The following MED15 variants were observed in gnomAD, a reference collection of about 807,000 sequenced individuals.
MED15 encodes mediator complex subunit 15.
A neutral mutation model predicts 118.7 loss-of-function variants in MED15; 41 were observed. The observed-to-expected ratio is 0.35, with a 90% CI of 0.27 to 0.45. MED15 has a LOEUF of 0.45. Ranked by LOEUF, MED15 falls within the 20% of genes least tolerant of loss-of-function variation. The pLI is 1.00. For missense variants in MED15, 740 were observed against 1,025.5 expected, an observed-to-expected ratio of 0.72 and a Z score of 3.80; for synonymous variants, 436 against 413.9, an observed-to-expected ratio of 1.05 and a Z score of -0.65.
chr22:20,511,396 G>A (rs1347667448), intron 1 of MED15, among the ~76,000 whole-genome samples: 7 of 151,876 alleles, frequency 4.6e-5, no homozygotes, highest in Non-Finnish European at 8.8e-5. Flanking sequence ...GGAGGCTGAG[G>A]TGGGGGGATC....
At chr22:20,516,368 T>C (rs1356180437) in intron 1 of MED15, among the ~76,000 whole-genome samples, 2 of 152,054 alleles carry the variant, frequency 1.3e-5, no homozygotes, top group African/African-American at 2.4e-5. Flanking sequence ...GAATGGTTGC[T>C]GAACCACAGC....
chr22:20,568,532 G>A lies in MED15; in HGVS notation c.1053G>A (p.Pro351=), dbSNP rs779974079. The A allele has an allele frequency of 3.8e-5, 62 of 1,613,606 alleles. No individual in the cohort carries two copies. In the South Asian group the frequency reaches 5.4e-4, roughly 14 times the overall value. ...CTTTCTCCCTCAAGGTCCGAGCTCC[G>A]ATGGTGGTGCAGCAGCCCCCAGTGC... ...TQPPLKFVRA[P]MVVQQPPVQP... Residue 351 remains proline, a synonymous_variant, in exon 8 of 18, where the codon CCG becomes CCA. Transcript: ENST00000263205.
chr22:20,582,867 C>T lies in MED15; in HGVS notation c.1437C>T (p.Ser479=), dbSNP rs764748986. 1 of 1,613,154 alleles carries T rather than the reference C, an allele frequency of 6.2e-7. No individual in the cohort carries two copies. Among genetic ancestry groups the T allele is most frequent in the Non-Finnish European group, 8.5e-7 (1 of 1,180,016 alleles). ...CTGGCCCTGCCCCATCTCCCAGTAGCTTCCTGCCCAGCCCCTCACCGCAGC... is the reference window on the plus strand; with the variant it reads ...CTGGCCCTGCCCCATCTCCCAGTAGTTTCCTGCCCAGCCCCTCACCGCAGC... The part of the protein sequence containing the change: ...VSSGPAPSPS[S]FLPSPSPQPS... Residue 479 remains serine, a synonymous_variant, in exon 11 of 18, where the codon AGC becomes AGT. Coordinates refer to ENST00000263205, the MANE Select transcript of MED15 (RefSeq NM_001003891.3).
chr22:20,530,132 T>C (rs1341366050), intron 1 of MED15, among the ~76,000 whole-genome samples: 1 of 152,150 alleles, frequency 6.6e-6, no homozygotes, highest in Non-Finnish European at 1.5e-5. Flanking sequence ...CCTTCTGTTG[T>C]CTTGTGGTCC....
intron 1 of MED15, among the ~76,000 whole-genome samples, chr22:20,518,116 G>C (rs149577001): frequency 3.9e-5 from 6 of 152,238 alleles, no homozygotes; most frequent in Admixed American, 1.3e-4. Flanking sequence ...ATCGACAAGC[G>C]CTTGTTACCA....
intron 10 of MED15, 46 bp from the exon 11 acceptor site, chr22:20,582,794 G>A (rs368733357): frequency 4.2e-5 from 67 of 1,600,458 alleles, no homozygotes; most frequent in Non-Finnish European, 5.3e-5. Context: ...CTCGAGGCTG[G>A]CCCTGCCTGG....
At chr22:20,583,691 C>T (rs767651734) in intron 13 of MED15, 2 of 414,162 alleles carry the variant, frequency 4.8e-6, no homozygotes, top group Non-Finnish European at 9.0e-6. Context: ...GCCTGACCAT[C>T]AGCTGGCCCA....
At position 20,564,488 on chromosome 22, in the gene MED15, C is replaced by G; in HGVS notation, c.490C>G (p.Gln164Glu). 1 of 1,611,306 alleles carries G rather than the reference C, an allele frequency of 6.2e-7. No homozygotes were observed. The highest frequency in any genetic ancestry group is 1.3e-5 in the African/African-American group (1 of 74,982). Residue 164 changes from glutamine to glutamate, a missense_variant, in exon 6 of 18, where the codon CAG becomes GAG. Around this residue, in one of 7 missense-constraint regions of MED15, gnomAD observed 117 missense variants for 124.6 expected, o/e 0.94. Transcript: ENST00000263205. Reference protein sequence around the residue: ...QLQQVALQQQQQQQQFQQQQQ... With the variant: ...QLQQVALQQQEQQQQFQQQQQ... ...CCAGCAGGTGGCGCTGCAGCAGCAG[C>G]AGCAACAGCAGCAGTTCCAGCAGCA... is the stretch of plus-strand genomic sequence containing the variant.
At chr22:20,518,389 A>T (rs532756772) in intron 1 of MED15, among the ~76,000 whole-genome samples, 1 of 152,058 alleles carries the variant, frequency 6.6e-6, no homozygotes, top group South Asian at 2.1e-4. Context: ...TCATGTTGGC[A>T]CGAGAGCTTT....
chr22:20,535,199 C>T (rs897059677), intron 1 of MED15, among the ~76,000 whole-genome samples: 11 of 152,198 alleles, frequency 7.2e-5, no homozygotes, highest in African/African-American at 2.7e-4. Context: ...CTCAGGTGAT[C>T]CACCTGCCTC....
At chr22:20,577,017 T>C (rs558592900) in intron 9 of MED15, among the ~76,000 whole-genome samples, 6 of 152,336 alleles carry the variant, frequency 3.9e-5, no homozygotes, top group African/African-American at 1.4e-4. Flanking sequence ...GTGTGCGATA[T>C]GTGCCAGGCC....
At position 20,566,767 on chromosome 22, in the gene MED15, G is replaced by A; in HGVS notation, c.991G>A (p.Ala331Thr). The A allele has an allele frequency of 6.2e-7, 1 of 1,614,202 alleles. No homozygotes were observed. The highest frequency in any genetic ancestry group is 1.7e-5 in the Admixed American group (1 of 60,022). ...QSQTQPLVSQ[A>T]QALPGQMLYT... The stretch of plus-strand genomic sequence containing the variant: ...GCAGACCCAGCCTTTGGTGTCACAG[G>A]CGCAAGCTCTCCCTGGACAAATGTT... Residue 331 changes from alanine to threonine, a missense_variant, in exon 7 of 18, where the codon GCG (alanine) becomes ACG (threonine). Around this residue, in one of 7 missense-constraint regions of MED15, gnomAD observed 384 missense variants for 506.3 expected, o/e 0.76. Transcript: ENST00000263205.
chr22:20,549,525 G>A (rs1250089086), intron 2 of MED15, among the ~76,000 whole-genome samples: 2 of 152,072 alleles, frequency 1.3e-5, no homozygotes, highest in Non-Finnish European at 2.9e-5. Flanking sequence ...GATCAGAGGC[G>A]CAGTTTCAGA....
In MED15 at chr22:20,586,848, A is replaced by G. The variant is rs2057150330; in HGVS notation, c.*144A>G. On this transcript the variant is annotated 3_prime_UTR_variant, in exon 18 of 18. Transcript: ENST00000263205. ...TATCTTCTGCCTTGGGGACCTGCCA[A>G]ACGAAATCCCACACCTGTACAGAAC... 1.4e-5 allele frequency: 18 copies of G among 1,267,510 alleles called. No homozygotes were observed. Among genetic ancestry groups the G allele is most frequent in the Non-Finnish European group, 1.9e-5 (18 of 934,144 alleles). 78.5% of individuals were successfully genotyped at this position (1,267,510 alleles called of 1,614,324 possible).
chr22:20,558,116 GAA>G (rs139965797), intron 5 of MED15, among the ~76,000 whole-genome samples: 3,524 of 152,048 alleles, frequency 0.023, 132 homozygotes, highest in African/African-American at 0.08. Context: ...AAAGAAAAAA[GAA>G]AAAGTTACAG....
At chr22:20,517,127 C>T (rs1032577252) in intron 1 of MED15, among the ~76,000 whole-genome samples, 1 of 151,194 alleles carries the variant, frequency 6.6e-6, no homozygotes, top group Non-Finnish European at 1.5e-5. Context: ...TGGTAGAGAC[C>T]AGGTCTTGGT....
chr22:20,543,503 T>C (rs1398300303), intron 2 of MED15, among the ~76,000 whole-genome samples: 1 of 150,820 alleles, frequency 6.6e-6, no homozygotes, highest in Non-Finnish European at 1.5e-5. Context: ...TGAGCCACCA[T>C]GCCCGGCCTC....
At chr22:20,562,285 A>G (rs1163288966) in intron 5 of MED15, among the ~76,000 whole-genome samples, 1 of 152,264 alleles carries the variant, frequency 6.6e-6, no homozygotes, top group Non-Finnish European at 1.5e-5. Context: ...CAATGTAATG[A>G]ACAACTTAAT....
At chr22:20,545,704 G>A (rs566652285) in intron 2 of MED15, among the ~76,000 whole-genome samples, 48 of 152,202 alleles carry the variant, frequency 3.2e-4, no homozygotes, top group Admixed American at 2.7e-3. Context: ...TGGGTGGGGG[G>A]CACTGCTGGG....
Sources: gnomAD v4.1 joint callset for allele counts (sites outside exome capture counted in the v4.1 genomes callset) on GRCh38, gnomAD v4.1.1 for gene constraint, gnomAD v4.1.1 regional missense constraint, MANE v1.5 for transcripts, NCBI Gene and HGNC (gene_info 2026-07-23, HGNC 2026-07-21) for gene names.